Variants in CLUH observed in about 807,000 individuals in gnomAD.
CLUH encodes CLUH binding protein of NUMT mRNA.
CLUH carries 77 observed loss-of-function variants against 139.3 expected under a neutral mutation model. That is an observed-to-expected ratio of 0.55 (90% CI 0.46 to 0.67). The LOEUF (loss-of-function observed/expected upper bound fraction) is 0.67. Among genes scored for constraint, CLUH ranks in the 30% least tolerant of loss-of-function variants. The pLI, the probability that CLUH is intolerant of heterozygous loss-of-function variation, is 0.00. For synonymous variants in CLUH, 999 were observed against 801.6 expected (o/e 1.25, Z -4.16); for missense variants, 1,876 against 1,875.8 (o/e 1.00, Z 0.00).
Position 2,690,629 on chromosome 17 carries a change from C to G in CLUH, c.4012G>C (p.Ala1338Pro). 1 of 1,506,218 alleles carries G rather than the reference C, an allele frequency of 6.6e-7. No individual in the cohort carries two copies. The highest frequency in any genetic ancestry group is 1.3e-5 in the South Asian group (1 of 76,024). 93.3% of individuals were successfully genotyped at this position (1,506,218 alleles called of 1,614,324 possible). The change falls in exon 26 of 26, where the codon GCT becomes CCT. Residue 1338 changes from alanine to proline, a missense_variant. Coordinates refer to ENST00000651024, the MANE Select transcript of CLUH (RefSeq NM_001366661.1). ...ACGCTCGGAGAAGGGTCCTTGGCAG[C>G]CGGGGGCTGGGAGCCCAGGTCTCCT... ...APGDLGSQPP[A>P]AKDPSPSVQG
chr17:2,692,885 C>G, intron 19 of CLUH, 25 bp from the exon 20 acceptor site: 1 of 1,552,074 alleles, frequency 6.4e-7, no homozygotes, highest in Non-Finnish European at 8.7e-7. Context: ...TGGTGGTTGC[C>G]GCGGCGTGGG....
At position 2,711,628 on chromosome 17, in the gene CLUH, C is replaced by A. The variant is rs1159874817; in HGVS notation, c.34G>T (p.Ala12Ser). The change falls in exon 1 of 26, where the codon GCC becomes TCC. Residue 12 changes from alanine (A) to serine (S), a missense_variant. Ala to Ser is a moderately conservative substitution (Grantham distance 99, BLOSUM62 1). Coordinates refer to ENST00000651024, the MANE Select transcript of CLUH (RefSeq NM_001366661.1). ...TGTTCCCGGGCGCTGTCGGCCGGGG[C>A]GGCCGCCGGCAACTCGTCCGTCTTG... is the stretch of plus-strand genomic sequence containing the variant. ...VIKTDELPAA[A>S]PADSAREHGS... 7.1e-6 allele frequency: 7 copies of A among 984,284 alleles called. No individual in the cohort carries two copies. Among genetic ancestry groups the A allele is most frequent in the Non-Finnish European group, 8.4e-6 (7 of 829,566 alleles). 61.0% of individuals were successfully genotyped at this position (984,284 alleles called of 1,614,324 possible).
Position 2,698,060 on chromosome 17 carries a change from G to A in CLUH, c.1797C>T (p.His599=). The part of the protein sequence containing the change: ...CKGIIGNDGR[H]YILDLLRTFP... ...AGGTGCGCAGCAGGTCGAGGATGTA[G>A]TGGCGCCCGTCGTTGCCAATGATGC... Residue 599 remains histidine, a synonymous_variant, in exon 10 of 26, where the codon CAC becomes CAT. Coordinates refer to ENST00000651024, the MANE Select transcript of CLUH (RefSeq NM_001366661.1). 6.2e-7 allele frequency: 1 copy of A among 1,606,846 alleles called. No homozygotes were observed. Among genetic ancestry groups the A allele is most frequent in the Non-Finnish European group, 8.5e-7 (1 of 1,178,996 alleles).
Position 2,707,675 on chromosome 17 carries a change from G to A in CLUH, c.101-3111C>T. The stretch of plus-strand genomic sequence containing the variant: ...TCCTCTCCTCCGCTCCCATCCCAGT[G>A]GGGGTGAACAGGACCGCTTCTGCCA... On this transcript the variant is annotated intron_variant, in intron 1 of 25. Transcript: ENST00000651024. This position sits in a 1 kb window ranked among gnomAD's most constrained non-coding sequence, Gnocchi z 7.4. The A allele has an allele frequency of 1.0e-6, 1 of 985,398 alleles. No homozygotes were observed. The highest frequency in any genetic ancestry group is 1.2e-6 in the Non-Finnish European group (1 of 829,902). 61.0% of individuals were successfully genotyped at this position (985,398 alleles called of 1,614,324 possible).
chr17:2,701,648 G>C lies in CLUH; in HGVS notation c.709C>G (p.Leu237Val), dbSNP rs749387226. Reference protein sequence around the residue: ...YILPGSRERPLCPLQPQNRDW... With the variant: ...YILPGSRERPVCPLQPQNRDW... ...CGGTTTTGGGGCTGCAGGGGACACA[G>C]TGGCCGCTCCCGGCTCCCTGGCAGG... Residue 237 changes from leucine (L) to valine (V), a missense_variant, in exon 5 of 26, where the codon CTG becomes GTG. By Grantham distance (32) the Leu-to-Val change is conservative. Coordinates refer to ENST00000651024, the MANE Select transcript of CLUH (RefSeq NM_001366661.1). The C allele has an allele frequency of 6.2e-7, 1 of 1,605,332 alleles. No homozygotes were observed. Among genetic ancestry groups the C allele is most frequent in the South Asian group, 1.1e-5 (1 of 89,672 alleles).
intron 15 of CLUH, 27 bp from the exon 16 acceptor site, chr17:2,695,128 T>C (rs1176955538): frequency 6.8e-6 from 11 of 1,612,688 alleles, no homozygotes; most frequent in African/African-American, 1.3e-5. Flanking sequence ...ATCCGAGTCA[T>C]GAGGGCCCTC....
intron 10 of CLUH, among the ~76,000 whole-genome samples, chr17:2,697,652 G>A (rs979878930): frequency 8.5e-5 from 13 of 152,200 alleles, no homozygotes; most frequent in African/African-American, 2.9e-4. Flanking sequence ...TGCTCCTTAA[G>A]AGAACAGTGT....
At chr17:2,694,731 A>G in intron 16 of CLUH, 126 bp downstream of exon 16, 3 of 1,377,612 alleles carry the variant, frequency 2.2e-6, no homozygotes, top group Non-Finnish European at 2.9e-6. Flanking sequence ...TGATCTCCAC[A>G]GCTGCTCCCT....
At chr17:2,691,728 C>CG (rs778402807) in intron 24 of CLUH, 33 bp downstream of exon 24, 2 of 1,602,120 alleles carry the variant, frequency 1.2e-6, no homozygotes, top group Non-Finnish European at 8.5e-7. Flanking sequence ...CCGCGCTCGC[C>CG]GGGCCGGAGG....
Position 2,703,173 on chromosome 17 carries a change from G to T in CLUH, c.475+145C>A. ...TGGGCCGTGAAGTTGGCAGATATAG[G>T]TGTGCTGGCCTGAGAAGCAGATCTG... On this transcript the variant is annotated intron_variant, in intron 3 of 25. Coordinates refer to ENST00000651024, the MANE Select transcript of CLUH (RefSeq NM_001366661.1). This position sits in a 1 kb window ranked among gnomAD's most constrained non-coding sequence, Gnocchi z 4.2. 2 of 835,664 alleles carry T rather than the reference G, an allele frequency of 2.4e-6. No individual in the cohort carries two copies. The highest frequency in any genetic ancestry group is 3.7e-6 in the Non-Finnish European group (2 of 542,776). The allele number at this position is 835,664 out of a possible 1,614,324, so 51.8% of individuals were successfully genotyped here. A position where few individuals can be genotyped will look rare whatever the true frequency, so the allele number is the denominator to read the frequency against.
At chr17:2,696,133 A>C (rs2151702556) in intron 13 of CLUH, 26 bp downstream of exon 13, 2 of 1,508,662 alleles carry the variant, frequency 1.3e-6, no homozygotes, top group Non-Finnish European at 1.8e-6. Flanking sequence ...CACAAGCCCC[A>C]CCCAGCCCCG....
chr17:2,697,400 A>AG (rs893276626), intron 10 of CLUH, among the ~76,000 whole-genome samples: 14 of 149,470 alleles, frequency 9.4e-5, no homozygotes, highest in South Asian at 4.2e-4. Flanking sequence ...ACTCCGTCTC[A>AG]GAAAAAAAAA....
In CLUH at chr17:2,692,533, G is replaced by A. The variant is rs1344040212; in HGVS notation, c.3438+38C>T. On this transcript the variant is annotated intron_variant, in intron 21 of 25. Coordinates refer to ENST00000651024, the MANE Select transcript of CLUH (RefSeq NM_001366661.1). ...GGTCAGCTCCCGGTCCCCTGGGATG[G>A]AGCTGGGTCCCTGCCGCCCCCCCGC... The A allele has an allele frequency of 2.5e-6, 4 of 1,601,256 alleles. No individual in the cohort carries two copies. In the South Asian group the frequency reaches 4.4e-5, roughly 18 times the overall value.
rs971247038 is a variant in CLUH, at chr17:2,703,027, T to C, written c.475+291A>G. Among the ~76,000 whole-genome samples the C allele has an allele frequency of 6.6e-6, 1 of 152,176 alleles. No homozygotes were observed. Among genetic ancestry groups the C allele is most frequent in the Non-Finnish European group, 1.5e-5 (1 of 68,012 alleles). On this transcript the variant is annotated intron_variant, in intron 3 of 25. Transcript: ENST00000651024. This position sits in a 1 kb window ranked among gnomAD's most constrained non-coding sequence, Gnocchi z 4.2. ...TTTTAGTAGAGATGGGGTTTCACCA[T>C]GTTGGCCAGGCAAGTCTCCAACTCC...
rs1181451514 is a variant in CLUH, at chr17:2,707,928, C to T, written c.101-3364G>A. ...CCCCCAGCTTCCCAGAGGACAACTG[C>T]ACCCGTGCCCCTGGCCTCCAGGCTC... On this transcript the variant is annotated intron_variant, in intron 1 of 25. Transcript: ENST00000651024. The surrounding 1 kb of genome is among the most constrained non-coding windows in gnomAD (Gnocchi z 7.4). The T allele has an allele frequency of 9.1e-6, 9 of 985,322 alleles. No homozygotes were observed. Among genetic ancestry groups the T allele is most frequent in the African/African-American group, 3.5e-5 (2 of 57,248 alleles). The allele number at this position is 985,322 out of a possible 1,614,324, so 61.0% of individuals were successfully genotyped here.
At chr17:2,697,106 G>A (rs2069980202) in intron 10 of CLUH, among the ~76,000 whole-genome samples, 164 bp from the exon 11 acceptor site, 1 of 152,166 alleles carries the variant, frequency 6.6e-6, no homozygotes, top group Non-Finnish European at 1.5e-5. Context: ...CCCAAGACAG[G>A]AAGAAAAAGG....
intron 20 of CLUH, 35 bp downstream of exon 20, chr17:2,692,745 C>T (rs752895732): frequency 1.9e-6 from 3 of 1,599,506 alleles, no homozygotes; most frequent in East Asian, 4.5e-5. Context: ...CCCAGCCCCT[C>T]GCATCCCCCG....
chr17:2,692,960 C>A (rs1458323933), intron 19 of CLUH, 100 bp from the exon 20 acceptor site: 11 of 1,159,220 alleles, frequency 9.5e-6, no homozygotes, highest in African/African-American at 1.6e-5. Flanking sequence ...GCTCTGCAGG[C>A]TCCTGTCCCC....
In CLUH at chr17:2,707,322, G is replaced by A. The variant is rs1294236086; in HGVS notation, c.101-2758C>T. 3 of 985,258 alleles carry A rather than the reference G, an allele frequency of 3.0e-6. No individual in the cohort carries two copies. The highest frequency in any genetic ancestry group is 3.6e-6 in the Non-Finnish European group (3 of 829,908). The allele number at this position is 985,258 out of a possible 1,614,324, so 61.0% of individuals were successfully genotyped here. A position where few individuals can be genotyped will look rare whatever the true frequency, so the allele number is the denominator to read the frequency against. On this transcript the variant is annotated intron_variant, in intron 1 of 25. Coordinates refer to ENST00000651024, the MANE Select transcript of CLUH (RefSeq NM_001366661.1). This position sits in a 1 kb window ranked among gnomAD's most constrained non-coding sequence, Gnocchi z 7.4. ...TACCCTTGCCCTAATGCAGCCAGTC[G>A]GCCCGGGGCTGGAGCTCCGGCTGGC...
Sources: allele counts gnomAD v4.1 joint callset (sites outside exome capture counted in the v4.1 genomes callset), GRCh38; gene constraint gnomAD v4.1.1; non-coding constraint Gnocchi (gnomAD v3.1); transcripts MANE v1.5; gene names NCBI Gene and HGNC (gene_info 2026-07-23, HGNC 2026-07-21).